STX17: variants seen among roughly 807,000 people sequenced by gnomAD.
The protein encoded by STX17 is syntaxin-17.
A neutral mutation model predicts 35.9 loss-of-function variants in STX17; 29 were observed. The ratio of observed to expected loss-of-function variants is 0.81; its 90% CI spans 0.60 to 1.10. The LOEUF is 1.10. STX17 is among the 50% of genes least tolerant of loss of function. The probability of loss-of-function intolerance (pLI) is 0.00; values close to 1 mark genes in which losing one functional copy is unlikely to be tolerated. For missense variants in STX17, 312 were observed against 352.3 expected (o/e 0.89, Z 0.92); for synonymous variants, 92 against 118.3 (o/e 0.78, Z 1.44).
intron 1 of STX17, among the ~76,000 whole-genome samples, chr9:99,909,899 C>A (rs1828625387): frequency 6.6e-6 from 1 of 151,832 alleles, no homozygotes; most frequent in Non-Finnish European, 1.5e-5. Context: ...AAATATATAC[C>A]TACTACTAAT....
chr9:99,915,101 T>C (rs1307626976), intron 1 of STX17, 77 bp from the exon 2 acceptor site: 9 of 999,336 alleles, frequency 9.0e-6, no homozygotes, highest in Middle Eastern at 3.4e-4. Flanking sequence ...TAGAATAAAT[T>C]GTAAAACTAA....
chr9:99,928,999 C>A, intron 3 of STX17, 156 bp downstream of exon 3: 1 of 584,110 alleles, frequency 1.7e-6, no homozygotes, highest in Non-Finnish European at 2.9e-6. Flanking sequence ...GAATCACATG[C>A]CATACATATT....
At chr9:99,908,257 G>T (rs1035048792) in intron 1 of STX17, among the ~76,000 whole-genome samples, 15 of 151,994 alleles carry the variant, frequency 9.9e-5, no homozygotes, top group Admixed American at 9.2e-4. Flanking sequence ...GACATCTTGG[G>T]GGGGAGCTTT....
At chr9:99,952,648 C>A (rs577044968) in intron 4 of STX17, among the ~76,000 whole-genome samples, 162 of 152,060 alleles carry the variant, frequency 1.1e-3, no homozygotes, top group African/African-American at 3.8e-3. Context: ...CAACAATGAT[C>A]GACTGGATTA....
rs539675482 is a variant in STX17, at chr9:99,969,566, C to A, written c.*893C>A. On this transcript the variant is annotated 3_prime_UTR_variant, in exon 8 of 8. Coordinates refer to ENST00000259400, the MANE Select transcript of STX17 (RefSeq NM_017919.3). The stretch of plus-strand genomic sequence containing the variant: ...AAAAAGAAAAGAAAAAAAGAAATTT[C>A]GAGATATTTTCAACATTGTTAGAGT... 1 of 152,342 alleles carries A rather than the reference C, an allele frequency of 6.6e-6. No homozygotes were observed. Among genetic ancestry groups the A allele is most frequent in the Non-Finnish European group, 1.5e-5 (1 of 67,986 alleles). 9.4% of individuals were successfully genotyped at this position (152,342 alleles called of 1,614,324 possible).
In STX17 at chr9:99,929,910, C is replaced by CTTTTTTTTTT. The variant is rs528774463; in HGVS notation, c.189+1078_189+1087dup. 3.6e-4 allele frequency: 43 copies of CTTTTTTTTTT among 118,344 alleles called. 1 individual carries two copies. The highest frequency in any genetic ancestry group is 4.7e-4 in the Admixed American group (5 of 10,564). 7.3% of individuals were successfully genotyped at this position (118,344 alleles called of 1,614,324 possible). A position where few individuals can be genotyped will look rare whatever the true frequency, so the allele number is the denominator to read the frequency against. ...TGTCAGTAATATTTCTTTTTCTTTT[C>CTTTTTTTTTT]TTTTTTTTTTTTTTTTTTTTGCAAC... On this transcript the variant is annotated intron_variant, in intron 3 of 7. Coordinates refer to ENST00000259400, the MANE Select transcript of STX17 (RefSeq NM_017919.3).
rs761852735 is a variant in STX17, at chr9:99,915,288, A to G, written c.49A>G (p.Ile17Val). 7 of 1,612,996 alleles carry G rather than the reference A, an allele frequency of 4.3e-6. No individual in the cohort carries two copies. Among genetic ancestry groups the G allele is most frequent in the African/African-American group, 2.7e-5 (2 of 74,886 alleles). The change falls in exon 2 of 8, where the codon ATC becomes GTC. Residue 17 changes from isoleucine to valine, a missense_variant. Ile to Val is a conservative substitution (Grantham distance 29, BLOSUM62 3). Transcript: ENST00000259400. The stretch of plus-strand genomic sequence containing the variant: ...GAAATTACGCCGTCTTGAACCAGCT[A>G]TCCAGAAATTCATTAAGATAGTAAT... ...KVKLRRLEPA[I>V]QKFIKIVIPT...
intron 1 of STX17, among the ~76,000 whole-genome samples, chr9:99,909,140 T>A (rs559276275): frequency 3.3e-5 from 5 of 152,372 alleles, no homozygotes; most frequent in African/African-American, 1.2e-4. Context: ...TGTAGTTCTT[T>A]TTGTCTCTAG....
chr9:99,915,803 C>T (rs1393069897), intron 2 of STX17, among the ~76,000 whole-genome samples: 5 of 152,182 alleles, frequency 3.3e-5, no homozygotes, highest in Non-Finnish European at 2.9e-5. Context: ...AAGCTGTCCT[C>T]CTGTTTTGCC....
At chr9:99,940,129 T>C (rs999821927) in intron 3 of STX17, among the ~76,000 whole-genome samples, 2 of 152,152 alleles carry the variant, frequency 1.3e-5, no homozygotes, top group Non-Finnish European at 2.9e-5. Flanking sequence ...GATTAACTTA[T>C]TTTAGTTTTT....
rs546073853 is a variant in STX17 at position 99,936,708 on chromosome 9, A to G, written c.189+7865A>G. On this transcript the variant is annotated intron_variant, in intron 3 of 7. Transcript: ENST00000259400. ...GTTTAAGAAACTTAACAATACACCT[A>G]TATTTCTCCTCTACCAGCCTATATG... Among the ~76,000 whole-genome samples, 12 of 152,260 alleles carry G rather than the reference A, an allele frequency of 7.9e-5. 1 individual carries two copies. The East Asian group carries it at 1.5e-3, about 20-fold the overall frequency.
intron 6 of STX17, 73 bp downstream of exon 6, chr9:99,960,228 T>G (rs531067964): frequency 7.1e-7 from 1 of 1,414,510 alleles, no homozygotes; most frequent in South Asian, 1.2e-5. Flanking sequence ...TCACTAGGCT[T>G]TTAATTAGAA....
chr9:99,919,830 A>G (rs1828854896), intron 2 of STX17, among the ~76,000 whole-genome samples: 1 of 152,222 alleles, frequency 6.6e-6, no homozygotes, highest in Non-Finnish European at 1.5e-5. Flanking sequence ...AGGAAATAAG[A>G]TAGGAAATAG....
intron 1 of STX17, among the ~76,000 whole-genome samples, chr9:99,912,844 T>G (rs897176610): frequency 1.3e-5 from 2 of 152,218 alleles, no homozygotes; most frequent in African/African-American, 4.8e-5. Context: ...TAACAGTTTA[T>G]TCTATTCATT....
chr9:99,913,972 CTTTTTTTTT>C (rs111673894), intron 1 of STX17: 1 of 140,358 alleles, frequency 7.1e-6, no homozygotes, highest in Non-Finnish European at 1.5e-5. Flanking sequence ...CTTTTTTTTT[CTTTTTTTTT>C]TTTTGTAGAG....
intron 1 of STX17, among the ~76,000 whole-genome samples, chr9:99,911,767 G>A (rs112862553): frequency 0.023 from 3,448 of 152,048 alleles, 82 homozygotes; most frequent in Middle Eastern, 0.061. Flanking sequence ...CAGAGAAGAA[G>A]GATCTTGCTA....
At chr9:99,941,304 G>T (rs929299565) in intron 3 of STX17, among the ~76,000 whole-genome samples, 3 of 152,150 alleles carry the variant, frequency 2.0e-5, no homozygotes, top group African/African-American at 7.2e-5. Context: ...AAACTTTACA[G>T]TTCAGTTGAA....
intron 2 of STX17, among the ~76,000 whole-genome samples, chr9:99,920,841 A>G (rs1455801657): frequency 6.6e-6 from 1 of 152,228 alleles, no homozygotes; most frequent in Non-Finnish European, 1.5e-5. Context: ...ATTTAGTTAT[A>G]AAATCATGTA....
At chr9:99,925,246 G>T (rs1287173455) in intron 2 of STX17, among the ~76,000 whole-genome samples, 1 of 151,848 alleles carries the variant, frequency 6.6e-6, no homozygotes, top group Admixed American at 6.6e-5. Flanking sequence ...TCACATATAA[G>T]AACCTTCTAA....
Sources: allele counts gnomAD v4.1 joint callset (sites outside exome capture counted in the v4.1 genomes callset), GRCh38; gene constraint gnomAD v4.1.1; transcripts MANE v1.5; gene names NCBI Gene and HGNC (gene_info 2026-07-23, HGNC 2026-07-21).